Variants in BRD1 observed in about 807,000 individuals in gnomAD.
BRD1 encodes bromodomain-containing protein 1.
A neutral mutation model predicts 107.7 loss-of-function variants in BRD1; 24 were observed. That is an observed-to-expected ratio of 0.22 (90% CI 0.16 to 0.31). The LOEUF is 0.31. Among genes scored for constraint, BRD1 ranks in the 10% least tolerant of loss-of-function variants. The pLI is 1.00. For missense variants in BRD1, 1,279 were observed against 1,638.6 expected (o/e 0.78, Z 3.79); for synonymous variants, 744 against 686.1 (o/e 1.08, Z -1.32).
chr22:49,781,354 G>A (rs533643232), intron 8 of BRD1, among the ~76,000 whole-genome samples: 6 of 152,324 alleles, frequency 3.9e-5, no homozygotes, highest in South Asian at 2.1e-4. Flanking sequence ...AGGCCACAGC[G>A]GCTGAGACAC....
At chr22:49,790,948 C>G (rs1164340358) in intron 7 of BRD1, among the ~76,000 whole-genome samples, 1 of 152,274 alleles carries the variant, frequency 6.6e-6, no homozygotes. Flanking sequence ...GCAAGGGCAT[C>G]ACTGTGACTG....
At chr22:49,784,639 A>T (rs978901024) in intron 8 of BRD1, among the ~76,000 whole-genome samples, 1 of 152,274 alleles carries the variant, frequency 6.6e-6, no homozygotes, top group Non-Finnish European at 1.5e-5. Context: ...CCTAAAGTTC[A>T]GAGCACACAG....
chr22:49,822,263 TA>T (rs1247932785), intron 2 of BRD1, among the ~76,000 whole-genome samples: 2 of 151,862 alleles, frequency 1.3e-5, no homozygotes, highest in Non-Finnish European at 2.9e-5. Flanking sequence ...CCGCCTCTAC[TA>T]AAAATACAAA....
At chr22:49,789,490 T>TCC (rs377366419) in intron 7 of BRD1, among the ~76,000 whole-genome samples, 10 of 139,772 alleles carry the variant, frequency 7.2e-5, no homozygotes, top group East Asian at 2.2e-4. Context: ...CCTCCTAGCC[T>TCC]CCCCCCCCCG....
intron 7 of BRD1, among the ~76,000 whole-genome samples, chr22:49,789,234 ACTCC>A (rs1335415356): frequency 6.6e-6 from 1 of 152,074 alleles, no homozygotes; most frequent in Non-Finnish European, 1.5e-5. Context: ...AGGTGACAAA[ACTCC>A]CTCCCTCCTG....
At chr22:49,822,891 C>T (rs938064034) in intron 2 of BRD1, 60 bp downstream of exon 2, 30 of 1,569,990 alleles carry the variant, frequency 1.9e-5, no homozygotes, top group Admixed American at 1.9e-5. Context: ...GCTGTGCCCA[C>T]GTCCTCCCAG....
intron 2 of BRD1, among the ~76,000 whole-genome samples, chr22:49,820,598 C>T (rs2060047290): frequency 6.6e-6 from 1 of 152,172 alleles, no homozygotes; most frequent in Non-Finnish European, 1.5e-5. Context: ...AGAACAAGAC[C>T]CTGTCTCTAA....
rs779977393 is a variant in BRD1, at chr22:49,798,545, C to G, written c.1785+13G>C. On this transcript the variant is annotated intron_variant, in intron 5 of 12. Transcript: ENST00000404760. ...CACATGCGGCAGGACAGACGAGCGCCGCAAACACCCACCTCCTTCAGACTC... is the reference window on the plus strand; with the variant it reads ...CACATGCGGCAGGACAGACGAGCGCGGCAAACACCCACCTCCTTCAGACTC... The G allele has an allele frequency of 6.2e-7, 1 of 1,614,030 alleles. No individual in the cohort carries two copies. Among genetic ancestry groups the G allele is most frequent in the African/African-American group, 1.3e-5 (1 of 74,940 alleles).
rs1331084089 is a variant in BRD1, at chr22:49,783,024, A to C, written c.2857+4366T>G. 6.7e-6 allele frequency among the ~76,000 whole-genome samples: 1 copy of C among 150,024 alleles called. No homozygotes were observed. The highest frequency in any genetic ancestry group is 1.5e-5 in the Non-Finnish European group (1 of 67,546). On this transcript the variant is annotated intron_variant, in intron 8 of 12. Coordinates refer to ENST00000404760, the MANE Select transcript of BRD1 (RefSeq NM_001304808.3). The surrounding 1 kb of genome is among the most constrained non-coding windows in gnomAD (Gnocchi z 4.2). ...CAATGCAGCTGGGACGGTCAGAGAC[A>C]GACCCAAGGCCCATCGTGCTGGGAC... is the stretch of plus-strand genomic sequence containing the variant.
chr22:49,817,907 C>T (rs964480362), intron 2 of BRD1, among the ~76,000 whole-genome samples: 7 of 152,166 alleles, frequency 4.6e-5, no homozygotes, highest in African/African-American at 1.7e-4. Context: ...ACCTCCTGGG[C>T]TCAAGCAATC....
At position 49,824,419 on chromosome 22, in the gene BRD1, C is replaced by A; in HGVS notation, c.-14-88G>T. ...CAAAAGCATGCTTGGACAGATCTAG[C>A]TCAGCAGCTCAAAGCCCAATCAAAG... On this transcript the variant is annotated intron_variant, in intron 1 of 12. Transcript: ENST00000404760. The surrounding 1 kb of genome is among the most constrained non-coding windows in gnomAD (Gnocchi z 5.9). 1 of 1,515,110 alleles carries A rather than the reference C, an allele frequency of 6.6e-7. No homozygotes were observed. Among genetic ancestry groups the A allele is most frequent in the South Asian group, 1.3e-5 (1 of 76,466 alleles). 93.9% of individuals were successfully genotyped at this position (1,515,110 alleles called of 1,614,324 possible).
At position 49,817,955 on chromosome 22, in the gene BRD1, T is replaced by C. The variant is rs551793823; in HGVS notation, c.1367+4996A>G. Among the ~76,000 whole-genome samples, 6 of 152,362 alleles carry C rather than the reference T, an allele frequency of 3.9e-5. 1 individual carries two copies. The South Asian group carries it at 6.2e-4, about 16-fold the overall frequency. ...CCTTCCAGTGTTAGGATTACTAGCC[T>C]GAGCCACCGCACCCAGTCAACTTTT... On this transcript the variant is annotated intron_variant, in intron 2 of 12. Coordinates refer to ENST00000404760, the MANE Select transcript of BRD1 (RefSeq NM_001304808.3).
chr22:49,792,392 C>T lies in BRD1; in HGVS notation c.2359+1642G>A, dbSNP rs1031960942. 6.6e-6 allele frequency among the ~76,000 whole-genome samples: 1 copy of T among 152,110 alleles called. No individual in the cohort carries two copies. Among genetic ancestry groups the T allele is most frequent in the African/African-American group, 2.4e-5 (1 of 41,492 alleles). ...CCAGAGGATGCCTCGGTGGGCTGCA[C>T]GGAAGCAAAGGCTGCGGGACCAGGC... On this transcript the variant is annotated intron_variant, in intron 7 of 12. Coordinates refer to ENST00000404760, the MANE Select transcript of BRD1 (RefSeq NM_001304808.3). This position sits in a 1 kb window ranked among gnomAD's most constrained non-coding sequence, Gnocchi z 4.2.
In BRD1 at chr22:49,823,932, G is replaced by C; in HGVS notation, c.386C>G (p.Pro129Arg). 6.2e-7 allele frequency: 1 copy of C among 1,614,206 alleles called. No homozygotes were observed. Among genetic ancestry groups the C allele is most frequent in the South Asian group, 1.1e-5 (1 of 91,088 alleles). The change falls in exon 2 of 13, where the codon CCT becomes CGT. Residue 129 changes from proline (P) to arginine (R), a missense_variant. By Grantham distance (103) the Pro-to-Arg change is moderately radical. Around this residue, in one of 7 missense-constraint regions of BRD1, gnomAD observed 223 missense variants for 263.5 expected, o/e 0.85. Coordinates refer to ENST00000404760, the MANE Select transcript of BRD1 (RefSeq NM_001304808.3). ...EPKVRIVEYSPPSAPRRPPVY... is the reference protein window; with the variant it reads ...EPKVRIVEYSRPSAPRRPPVY... ...AGGAGGCCTCCTGGGGGCGGACGGA[G>C]GGCTGTACTCCACGATGCGCACCTT...
intron 7 of BRD1, 108 bp downstream of exon 7, chr22:49,793,926 C>T: frequency 6.9e-7 from 1 of 1,444,360 alleles, no homozygotes; most frequent in Non-Finnish European, 9.2e-7. Context: ...CTAACCTGAG[C>T]CTCCGTGCAC....
intron 6 of BRD1, among the ~76,000 whole-genome samples, 165 bp from the exon 7 acceptor site, chr22:49,794,459 C>A (rs937835724): frequency 3.3e-5 from 5 of 152,230 alleles, no homozygotes; most frequent in Non-Finnish European, 7.3e-5. Context: ...GCACTCTGAA[C>A]CCACGAGTAG....
chr22:49,788,164 A>C (rs1348401023), intron 7 of BRD1, among the ~76,000 whole-genome samples: 1 of 152,172 alleles, frequency 6.6e-6, no homozygotes, highest in East Asian at 1.9e-4. Context: ...GCCAATATTA[A>C]ACACGTCACT....
intron 2 of BRD1, among the ~76,000 whole-genome samples, chr22:49,810,211 G>A (rs1286806891): frequency 6.6e-6 from 1 of 152,176 alleles, no homozygotes; most frequent in Non-Finnish European, 1.5e-5. Context: ...GGTAAAGGTA[G>A]AAATTATCAT....
intron 3 of BRD1, among the ~76,000 whole-genome samples, chr22:49,799,526 G>A (rs188322069): frequency 1.3e-4 from 20 of 152,324 alleles, no homozygotes; most frequent in African/African-American, 4.8e-5. Context: ...TGGAGGGAGC[G>A]GCTGGAAAGA....
Sources: allele counts gnomAD v4.1 joint callset (sites outside exome capture counted in the v4.1 genomes callset), GRCh38; gene constraint gnomAD v4.1.1; regional missense constraint gnomAD v4.1.1; non-coding constraint Gnocchi (gnomAD v3.1); transcripts MANE v1.5; gene names NCBI Gene and HGNC (gene_info 2026-07-23, HGNC 2026-07-21).